The following ABI1 variants were observed in gnomAD, a reference collection of about 807,000 sequenced individuals.
ABI1 encodes the protein Abelson interactor 1.
ABI1 carries 14 observed loss-of-function variants against 54.6 expected under a neutral mutation model. The ratio of observed to expected loss-of-function variants is 0.26; its 90% CI spans 0.17 to 0.40. The LOEUF (loss-of-function observed/expected upper bound fraction) is 0.40, where lower values mean the gene tolerates loss of function less well. Ranked by LOEUF, ABI1 falls within the 10% of genes least tolerant of loss-of-function variation. ABI1 has a pLI of 1.00. For missense variants in ABI1, 443 were observed against 598.3 expected (o/e 0.74, Z 2.71); for synonymous variants, 194 against 209.3 (o/e 0.93, Z 0.63).
At chr10:26,762,814 G>A (rs1354477831) in intron 7 of ABI1, among the ~76,000 whole-genome samples, 1 of 152,088 alleles carries the variant, frequency 6.6e-6, no homozygotes, top group Non-Finnish European at 1.5e-5. Context: ...AGTGCTCTAG[G>A]GTAAATATGT....
intron 2 of ABI1, among the ~76,000 whole-genome samples, chr10:26,819,838 T>A (rs2047849487): frequency 6.6e-6 from 1 of 152,194 alleles, no homozygotes; most frequent in Non-Finnish European, 1.5e-5. Context: ...TTCCTATTAT[T>A]CAGCCTTAAA....
chr10:26,753,230 A>G (rs574522627), intron 9 of ABI1, among the ~76,000 whole-genome samples: 3 of 152,266 alleles, frequency 2.0e-5, no homozygotes, highest in Non-Finnish European at 4.4e-5. Flanking sequence ...ACACCTATCA[A>G]ACGGGTCTAC....
At chr10:26,845,880 T>A (rs1348323294) in intron 1 of ABI1, among the ~76,000 whole-genome samples, 2 of 151,498 alleles carry the variant, frequency 1.3e-5, no homozygotes, top group Non-Finnish European at 2.9e-5. Context: ...CAGTGGCTCA[T>A]GCCTGTAATC....
rs764101055 is a variant in ABI1, at chr10:26,823,230, T to A, written c.193A>T (p.Ile65Leu). 1.2e-6 allele frequency: 2 copies of A among 1,606,486 alleles called. No individual in the cohort carries two copies. Among genetic ancestry groups the A allele is most frequent in the Admixed American group, 1.7e-5 (1 of 58,210 alleles). Residue 65 changes from isoleucine to leucine, a missense_variant, in exon 2 of 11, where the codon ATA becomes TTA. Around this residue, in one of 2 missense-constraint regions of ABI1, gnomAD observed 394 missense variants for 484.8 expected, o/e 0.81. Coordinates refer to ENST00000376140, the MANE Select transcript of ABI1 (RefSeq NM_001012750.3). ...AGTACATTGTTGGCCAATGCATTTATTTGATAAGCAACACTAGCTAGAGAT... is the reference window on the plus strand; with the variant it reads ...AGTACATTGTTGGCCAATGCATTTAATTGATAAGCAACACTAGCTAGAGAT... ...TQSLASVAYQ[I>L]NALANNVLQL... is the part of the protein sequence containing the mutation.
At chr10:26,752,603 A>T (rs376002992) in intron 9 of ABI1, among the ~76,000 whole-genome samples, 3 of 150,784 alleles carry the variant, frequency 2.0e-5, no homozygotes, top group African/African-American at 7.3e-5. Context: ...TGAAGATGTA[A>T]TTAAAAAAAA....
At chr10:26,791,849 A>G (rs1002573864) in intron 2 of ABI1, among the ~76,000 whole-genome samples, 1 of 152,228 alleles carries the variant, frequency 6.6e-6, no homozygotes, top group Non-Finnish European at 1.5e-5. Context: ...CTAATTCCAG[A>G]TCCTTTACAT....
intron 2 of ABI1, among the ~76,000 whole-genome samples, chr10:26,778,419 CAG>C (rs1841694866): frequency 6.7e-6 from 1 of 148,888 alleles, no homozygotes; most frequent in African/African-American, 2.5e-5. Context: ...AACAAGACTG[CAG>C]AGAGTGAAAC....
rs1325725901 is a variant in ABI1, at chr10:26,755,718, G to C, written c.1021C>G (p.Pro341Ala). The C allele has an allele frequency of 1.6e-5, 26 of 1,613,358 alleles. No homozygotes were observed. Among genetic ancestry groups the C allele is most frequent in the Non-Finnish European group, 2.1e-5 (25 of 1,179,574 alleles). ...NSISIAPPPP[P>A]MPQLTPQIPL... ...ATCTGTGGAGTCAACTGAGGCATAG[G>C]GGGAGGGGGTGGAGCAATAGAAACT... Residue 341 changes from proline to alanine, a missense_variant, in exon 9 of 11, where the codon CCT becomes GCT. Pro to Ala is a conservative substitution (Grantham distance 27, BLOSUM62 -1). Transcript: ENST00000376140.
intron 1 of ABI1, among the ~76,000 whole-genome samples, chr10:26,841,417 G>A (rs61848593): frequency 2.7e-5 from 3 of 109,398 alleles, no homozygotes; most frequent in Admixed American, 9.2e-5. Context: ...TTTTTTTTTG[G>A]TTTGTTTTTG....
chr10:26,856,392 GTAT>G (rs2050812658), intron 1 of ABI1, among the ~76,000 whole-genome samples: 4 of 124,948 alleles, frequency 3.2e-5, no homozygotes, highest in Non-Finnish European at 6.4e-5. Flanking sequence ...TTTAGGTTGG[GTAT>G]TTAATACCTC....
intron 3 of ABI1, 91 bp from the exon 4 acceptor site, chr10:26,771,180 C>A (rs1423920506): frequency 2.2e-6 from 3 of 1,374,870 alleles, no homozygotes; most frequent in South Asian, 1.2e-5. Flanking sequence ...TACAGTTACT[C>A]AATTCATGTT....
intron 1 of ABI1, among the ~76,000 whole-genome samples, chr10:26,854,608 AATT>A (rs773842139): frequency 6.6e-6 from 1 of 152,196 alleles, no homozygotes; most frequent in Non-Finnish European, 1.5e-5. Flanking sequence ...TCTTCCATAA[AATT>A]ATCTAACCTT....
intron 2 of ABI1, among the ~76,000 whole-genome samples, chr10:26,793,511 G>A (rs576165341): frequency 2.6e-5 from 4 of 152,240 alleles, no homozygotes; most frequent in African/African-American, 9.6e-5. Flanking sequence ...AAATATTTTG[G>A]CCTGGGAAAA....
chr10:26,854,956 T>C (rs1589096707), intron 1 of ABI1, among the ~76,000 whole-genome samples: 2 of 152,314 alleles, frequency 1.3e-5, no homozygotes, highest in South Asian at 2.1e-4. Flanking sequence ...GTAATTCCTA[T>C]ACAGGTTCAG....
At chr10:26,821,851 T>C (rs1248955548) in intron 2 of ABI1, among the ~76,000 whole-genome samples, 4 of 147,710 alleles carry the variant, frequency 2.7e-5, no homozygotes, top group Non-Finnish European at 4.5e-5. Context: ...TTTATGCAAA[T>C]AAATCTGTCA....
rs909870578 is a variant in ABI1 at position 26,765,235 on chromosome 10, G to A, written c.803C>T (p.Pro268Leu). Residue 268 changes from proline to leucine, a missense_variant, in exon 7 of 11, where the codon CCA becomes CTA. Physicochemically the swap from Pro to Leu is moderately conservative, Grantham distance 98 (BLOSUM62 -3). Around this residue, in one of 2 missense-constraint regions of ABI1, gnomAD observed 394 missense variants for 484.8 expected, o/e 0.81. Coordinates refer to ENST00000376140, the MANE Select transcript of ABI1 (RefSeq NM_001012750.3). Reference protein sequence around the residue: ...GIPIAVPTPSPPTIGPAAPGS... With the variant: ...GIPIAVPTPSLPTIGPAAPGS... ...TAACACACCTGGTCCAATAGTGGGT[G>A]GCGAAGGTGTAGGCACAGCAATGGG... 3.7e-6 allele frequency: 6 copies of A among 1,604,504 alleles called. No homozygotes were observed. In the African/African-American group the frequency reaches 8.1e-5, roughly 22 times the overall value.
At chr10:26,843,739 T>TA (rs11446607) in intron 1 of ABI1, among the ~76,000 whole-genome samples, 38,313 of 149,824 alleles carry the variant, frequency 0.26, 5,493 homozygotes, top group South Asian at 0.44. Flanking sequence ...GTAGGAGAGG[T>TA]AGGATGGGTG....
intron 1 of ABI1, among the ~76,000 whole-genome samples, chr10:26,834,315 A>G (rs718827): frequency 0.15 from 22,101 of 152,128 alleles, 2,070 homozygotes; most frequent in African/African-American, 0.27. Context: ...CAGGCAACAA[A>G]GCAAAGTCAA....
intron 1 of ABI1, among the ~76,000 whole-genome samples, chr10:26,848,085 G>A (rs1223685736): frequency 6.6e-6 from 1 of 151,642 alleles, no homozygotes; most frequent in Non-Finnish European, 1.5e-5. Flanking sequence ...TGTAATTCCA[G>A]CTATTTGGGA....
Sources: gnomAD v4.1 joint callset for allele counts (sites outside exome capture counted in the v4.1 genomes callset) on GRCh38, gnomAD v4.1.1 for gene constraint, gnomAD v4.1.1 regional missense constraint, MANE v1.5 for transcripts, NCBI Gene and HGNC (gene_info 2026-07-23, HGNC 2026-07-21) for gene names.